DTNBP1: variants seen among roughly 807,000 people sequenced by gnomAD.
The protein encoded by DTNBP1 is dystrobrevin binding protein 1, also known as dysbindin.
In DTNBP1, 35 loss-of-function variants were observed where a neutral mutation model predicts 42.8. The observed-to-expected ratio is 0.82, with a 90% CI of 0.63 to 1.09. DTNBP1 has a LOEUF of 1.09. Ranked by LOEUF, DTNBP1 falls within the 50% of genes least tolerant of loss-of-function variation. The pLI, the probability that DTNBP1 is intolerant of heterozygous loss-of-function variation, is 0.00. For synonymous variants in DTNBP1, 171 were observed against 162.2 expected (o/e 1.05, Z -0.41); for missense variants, 457 against 424.2 (o/e 1.08, Z -0.68).
At chr6:15,540,332 C>T (rs754592110) in intron 7 of DTNBP1, among the ~76,000 whole-genome samples, 2 of 152,240 alleles carry the variant, frequency 1.3e-5, no homozygotes, top group African/African-American at 2.4e-5. Context: ...GCTTCAACTG[C>T]TTCAAAGTTC....
At chr6:15,554,283 A>C (rs538357876) in intron 7 of DTNBP1, among the ~76,000 whole-genome samples, 1 of 151,984 alleles carries the variant, frequency 6.6e-6, no homozygotes, top group South Asian at 2.1e-4. Flanking sequence ...GAGTCTCACT[A>C]TGTTGCCTAG....
At chr6:15,537,932 A>C (rs1773337156) in intron 7 of DTNBP1, among the ~76,000 whole-genome samples, 1 of 152,254 alleles carries the variant, frequency 6.6e-6, no homozygotes, top group East Asian at 1.9e-4. Context: ...AAATGAAATC[A>C]GGGTCAGACA....
chr6:15,523,229 A>G lies in DTNBP1; in HGVS notation c.812-10T>C, dbSNP rs1772038223. The G allele has an allele frequency of 6.2e-7, 1 of 1,613,916 alleles. No individual in the cohort carries two copies. On this transcript the variant is annotated splice_polypyrimidine_tract_variant and intron_variant, in intron 9 of 9. Coordinates refer to ENST00000344537, the MANE Select transcript of DTNBP1 (RefSeq NM_032122.5). ...GTACTGGATTCAGGCCCTGCAAAATAACGTAGGGAAGAAAAAGCCCTGTCA... is the reference window on the plus strand; with the variant it reads ...GTACTGGATTCAGGCCCTGCAAAATGACGTAGGGAAGAAAAAGCCCTGTCA...
At chr6:15,606,343 C>T (rs1250748453) in intron 6 of DTNBP1, among the ~76,000 whole-genome samples, 1 of 152,204 alleles carries the variant, frequency 6.6e-6, no homozygotes, top group African/African-American at 2.4e-5. Context: ...ACTACAGATG[C>T]ACTGGTATAA....
intron 5 of DTNBP1, among the ~76,000 whole-genome samples, chr6:15,620,151 T>C (rs980861552): frequency 6.6e-6 from 1 of 152,196 alleles, no homozygotes; most frequent in Non-Finnish European, 1.5e-5. Flanking sequence ...AAAAGGCTAA[T>C]AATAATGTAG....
At chr6:15,593,599 G>T (rs1776386246) in intron 6 of DTNBP1, among the ~76,000 whole-genome samples, 1 of 152,124 alleles carries the variant, frequency 6.6e-6, no homozygotes, top group Non-Finnish European at 1.5e-5. Context: ...TGCCACAAAG[G>T]GCCAAGCCTC....
chr6:15,588,109 T>C (rs1284047748), intron 7 of DTNBP1, among the ~76,000 whole-genome samples: 1 of 152,118 alleles, frequency 6.6e-6, no homozygotes, highest in African/African-American at 2.4e-5. Context: ...AGCTGCTGAG[T>C]GGATAAACAA....
chr6:15,651,491 A>G, intron 2 of DTNBP1, 128 bp from the exon 3 acceptor site: 1 of 1,286,784 alleles, frequency 7.8e-7, no homozygotes, highest in Non-Finnish European at 1.1e-6. Context: ...ACAATTATTA[A>G]ACTTTTAGAG....
rs541826011 is a variant in DTNBP1 at position 15,591,191 on chromosome 6, C to A, written c.511+1868G>T. ...GTGGCATAATCTTGGCTCACTGCAA[C>A]CTCCACCTCCCAGGTTCAAGCGATT... On this transcript the variant is annotated intron_variant, in intron 7 of 9. Coordinates refer to ENST00000344537, the MANE Select transcript of DTNBP1 (RefSeq NM_032122.5). Among the ~76,000 whole-genome samples the A allele has an allele frequency of 4.0e-5, 6 of 151,454 alleles. No homozygotes were observed. In the East Asian group the frequency reaches 1.2e-3, roughly 29 times the overall value.
intron 8 of DTNBP1, among the ~76,000 whole-genome samples, chr6:15,525,880 C>T (rs1772348255): frequency 6.6e-6 from 1 of 152,148 alleles, no homozygotes; most frequent in Admixed American, 6.5e-5. Flanking sequence ...GATGAAAGAC[C>T]TCAGGACCCA....
chr6:15,600,986 A>G (rs1776707006), intron 6 of DTNBP1, among the ~76,000 whole-genome samples: 1 of 152,210 alleles, frequency 6.6e-6, no homozygotes, highest in Non-Finnish European at 1.5e-5. Context: ...AGCATGCCCA[A>G]GGAGGGTCTG....
chr6:15,565,635 C>A (rs1775038137), intron 7 of DTNBP1, among the ~76,000 whole-genome samples: 1 of 152,082 alleles, frequency 6.6e-6, no homozygotes, highest in South Asian at 2.1e-4. Context: ...CTAGAAAAGG[C>A]AAATCTATAG....
At chr6:15,606,095 C>T (rs1758034975) in intron 6 of DTNBP1, among the ~76,000 whole-genome samples, 1 of 152,200 alleles carries the variant, frequency 6.6e-6, no homozygotes, top group Admixed American at 6.5e-5. Context: ...GTGGATTAAA[C>T]CGTCTATTCA....
chr6:15,567,793 C>A (rs1294103302), intron 7 of DTNBP1, among the ~76,000 whole-genome samples: 1 of 152,116 alleles, frequency 6.6e-6, no homozygotes, highest in African/African-American at 2.4e-5. Context: ...TCAGAATAAA[C>A]CTCTTAAAAT....
At chr6:15,611,832 G>A (rs1289619499) in intron 6 of DTNBP1, among the ~76,000 whole-genome samples, 25 of 152,218 alleles carry the variant, frequency 1.6e-4, no homozygotes, top group Admixed American at 1.6e-3. Context: ...TTAAACAGAT[G>A]AGGAGTTACT....
At chr6:15,635,760 C>T (rs924068390) in intron 4 of DTNBP1, among the ~76,000 whole-genome samples, 1 of 152,138 alleles carries the variant, frequency 6.6e-6, no homozygotes, top group African/African-American at 2.4e-5. Flanking sequence ...TACTCTTTGA[C>T]TCTCTCTTGT....
intron 7 of DTNBP1, among the ~76,000 whole-genome samples, chr6:15,574,396 G>A (rs1417683264): frequency 6.6e-6 from 1 of 152,220 alleles, no homozygotes; most frequent in Non-Finnish European, 1.5e-5. Flanking sequence ...CTGGGGGAAA[G>A]AAGACTCTCC....
At chr6:15,640,523 A>T (rs1339873634) in intron 3 of DTNBP1, among the ~76,000 whole-genome samples, 1 of 152,258 alleles carries the variant, frequency 6.6e-6, no homozygotes, top group Non-Finnish European at 1.5e-5. Flanking sequence ...CAATACAGTT[A>T]GGAAGATGAA....
At chr6:15,641,963 T>A (rs1258726088) in intron 3 of DTNBP1, among the ~76,000 whole-genome samples, 2 of 152,194 alleles carry the variant, frequency 1.3e-5, no homozygotes, top group Non-Finnish European at 2.9e-5. Context: ...GGTCATCTCC[T>A]GCATCCCCCT....
Sources: gnomAD v4.1 joint callset for allele counts (sites outside exome capture counted in the v4.1 genomes callset) on GRCh38, gnomAD v4.1.1 for gene constraint, MANE v1.5 for transcripts, NCBI Gene and HGNC (gene_info 2026-07-23, HGNC 2026-07-21) for gene names.